ZNF34: variants seen among roughly 807,000 people sequenced by gnomAD.
The protein encoded by ZNF34 is zinc finger protein 34 (KOX 32).
Under a neutral mutation model 14.4 loss-of-function variants are expected in ZNF34, and 8 were observed. The ratio of observed to expected loss-of-function variants is 0.55; its 90% confidence interval spans 0.33 to 1.00. The LOEUF (loss-of-function observed/expected upper bound fraction) is 1.00, where lower values mean the gene tolerates loss of function less well. ZNF34 is among the 50% of genes least tolerant of loss of function. The pLI, the probability that ZNF34 is intolerant of heterozygous loss-of-function variation, is 0.03. For missense variants in ZNF34, 538 were observed against 674.2 expected (o/e 0.80, Z 2.24); for synonymous variants, 235 against 247.9 (o/e 0.95, Z 0.49).
chr8:144,777,339 C>A lies in ZNF34; in HGVS notation c.280+119G>T, dbSNP rs368184016. The A allele has an allele frequency of 8.5e-5, 117 of 1,381,290 alleles. No homozygotes were observed. The highest frequency in any genetic ancestry group is 4.1e-4 in the Admixed American group (17 of 41,514). The allele number at this position is 1,381,290 out of a possible 1,614,324, so 85.6% of individuals were successfully genotyped here. ...GCTTCAGCAAAGGCCACTGTCAGGC[C>A]TCCTGTGCTAGCCCCGATGAATCTG... On this transcript the variant is annotated intron_variant, in intron 5 of 5. Transcript: ENST00000429371. This position sits in a 1 kb window ranked among gnomAD's most constrained non-coding sequence, Gnocchi z 4.8.
In ZNF34 at chr8:144,777,412, A is replaced by C; in HGVS notation, c.280+46T>G. The stretch of plus-strand genomic sequence containing the variant: ...AATCAGACACCCTGGACCCCAATAA[A>C]GGCTCGTTCGGTGACTTGAGTTGGG... On this transcript the variant is annotated intron_variant, in intron 5 of 5. Coordinates refer to ENST00000429371, the MANE Select transcript of ZNF34 (RefSeq NM_001286769.2). The surrounding 1 kb of genome is among the most constrained non-coding windows in gnomAD (Gnocchi z 4.8). 6.5e-7 allele frequency: 1 copy of C among 1,544,894 alleles called. No homozygotes were observed. The highest frequency in any genetic ancestry group is 8.7e-7 in the Non-Finnish European group (1 of 1,142,992).
At chr8:144,783,790 A>G (rs971277495) in intron 1 of ZNF34, among the ~76,000 whole-genome samples, 26 of 152,260 alleles carry the variant, frequency 1.7e-4, no homozygotes, top group African/African-American at 6.3e-4. Flanking sequence ...TTGTGCAATT[A>G]TAATAAACAT....
intron 5 of ZNF34, 35 bp from the exon 6 acceptor site, chr8:144,774,640 G>A (rs765980618): frequency 3.2e-6 from 5 of 1,571,266 alleles, no homozygotes; most frequent in African/African-American, 2.7e-5. Flanking sequence ...AGGGTCACCT[G>A]CTCTGACTCT....
At chr8:144,775,117 C>T (rs1825424884) in intron 5 of ZNF34, among the ~76,000 whole-genome samples, 1 of 152,242 alleles carries the variant, frequency 6.6e-6, no homozygotes, top group Non-Finnish European at 1.5e-5. Flanking sequence ...CAGTGAGTTC[C>T]AGGTGCAAGC....
rs551737399 is a variant in ZNF34, at chr8:144,772,726, G to C, written c.*540C>G. On this transcript the variant is annotated 3_prime_UTR_variant, in exon 6 of 6. Transcript: ENST00000429371. ...GGCTAATTTTTGTATTTTTAGTAGAGACGGGGTTTCACCATGTTGGCCAGG... is the reference window on the plus strand; with the variant it reads ...GGCTAATTTTTGTATTTTTAGTAGACACGGGGTTTCACCATGTTGGCCAGG... Among the ~76,000 whole-genome samples the C allele has an allele frequency of 1.3e-5, 2 of 152,182 alleles. No homozygotes were observed. The highest frequency in any genetic ancestry group is 1.9e-4 in the East Asian group (1 of 5,178).
chr8:144,784,452 A>G (rs1464426863), intron 1 of ZNF34, among the ~76,000 whole-genome samples: 4 of 129,958 alleles, frequency 3.1e-5, no homozygotes, highest in Non-Finnish European at 6.4e-5. Flanking sequence ...TTGAAGACCT[A>G]AACATTAAAA....
rs1452372206 is a variant in ZNF34, at chr8:144,777,624, G to A, written c.161-47C>T. 1 of 1,542,304 alleles carries A rather than the reference G, an allele frequency of 6.5e-7. No individual in the cohort carries two copies. Among genetic ancestry groups the A allele is most frequent in the African/African-American group, 1.4e-5 (1 of 73,034 alleles). ...GGGTTGGTACCAAGGACACAGGGCA[G>A]CACCTAGTGCTGTCTCACCCTGGGG... On this transcript the variant is annotated intron_variant, in intron 4 of 5. Transcript: ENST00000429371. This position sits in a 1 kb window ranked among gnomAD's most constrained non-coding sequence, Gnocchi z 4.8.
chr8:144,780,555 A>G (rs1825800286), intron 1 of ZNF34, among the ~76,000 whole-genome samples: 1 of 152,216 alleles, frequency 6.6e-6, no homozygotes, highest in Non-Finnish European at 1.5e-5. Context: ...TGGGAGGCTG[A>G]GGCGGGTGGA....
chr8:144,783,806 C>G (rs114333397), intron 1 of ZNF34, among the ~76,000 whole-genome samples: 3,680 of 152,304 alleles, frequency 0.024, 141 homozygotes, highest in African/African-American at 0.085. Context: ...AACATTTCAA[C>G]AGGACATGAT....
chr8:144,774,369 G>A lies in ZNF34; in HGVS notation c.517C>T (p.Pro173Ser). 1 of 1,613,058 alleles carries A rather than the reference G, an allele frequency of 6.2e-7. No individual in the cohort carries two copies. The highest frequency in any genetic ancestry group is 8.5e-7 in the Non-Finnish European group (1 of 1,179,480). The change falls in exon 6 of 6, where the codon CCT becomes TCT. Residue 173 changes from proline to serine, a missense_variant. Physicochemically the swap from Pro to Ser is moderately conservative, Grantham distance 74. Coordinates refer to ENST00000429371, the MANE Select transcript of ZNF34 (RefSeq NM_001286769.2). ...LLSRPVPDQR[P>S]HKCDICEQSF... Reference sequence around the variant, plus strand: ...TGCTCACATATATCACATTTGTGAGGTCTCTGATCAGGAACAGGTCTTGAC... The same window carrying A: ...TGCTCACATATATCACATTTGTGAGATCTCTGATCAGGAACAGGTCTTGAC...
At position 144,773,264 on chromosome 8, in the gene ZNF34, T is replaced by A. The variant is rs528096516; in HGVS notation, c.*2A>T. ...ACTCTGCCCTCGGACACCGCGCCAC[T>A]GTTACATGGAGAAGTCCTCCCGGAG... is the stretch of plus-strand genomic sequence containing the variant. On this transcript the variant is annotated 3_prime_UTR_variant, in exon 6 of 6. Coordinates refer to ENST00000429371, the MANE Select transcript of ZNF34 (RefSeq NM_001286769.2). This position sits in a 1 kb window ranked among gnomAD's most constrained non-coding sequence, Gnocchi z 5.4. 1 of 1,599,434 alleles carries A rather than the reference T, an allele frequency of 6.3e-7. No individual in the cohort carries two copies. Among genetic ancestry groups the A allele is most frequent in the Non-Finnish European group, 8.5e-7 (1 of 1,169,884 alleles).
rs747928909 is a variant in ZNF34 at position 144,777,098 on chromosome 8, C to T, written c.280+360G>A. ...GAGGGGAATTAAATGATAGCTCCAT[C>T]ATTAGGCCCTCATTATCTGGCATCA... On this transcript the variant is annotated intron_variant, in intron 5 of 5. Coordinates refer to ENST00000429371, the MANE Select transcript of ZNF34 (RefSeq NM_001286769.2). The surrounding 1 kb of genome is among the most constrained non-coding windows in gnomAD (Gnocchi z 4.8). 2.0e-5 allele frequency among the ~76,000 whole-genome samples: 3 copies of T among 150,946 alleles called. No individual in the cohort carries two copies. The highest frequency in any genetic ancestry group is 4.4e-5 in the Non-Finnish European group (3 of 67,786).
rs1586725002 is a variant in ZNF34, at chr8:144,773,633, CT to C, written c.1252del (p.Arg418GlufsTer80). Reference sequence around the variant, plus strand: ...ATAGGGCTTCTCTCCAGTGTGGCTTCTCTGATGTTCCACGAGTTTGGTTTTT... The same window carrying C: ...ATAGGGCTTCTCTCCAGTGTGGCTTCCTGATGTTCCACGAGTTTGGTTTTT... ...IQKTKLVEHQ[R>X]SHTGEKPYEC... On this transcript the variant is annotated frameshift_variant, in exon 6 of 6. Transcript: ENST00000429371. LOFTEE classifies it low-confidence loss of function (END_TRUNC). This position sits in a 1 kb window ranked among gnomAD's most constrained non-coding sequence, Gnocchi z 5.4. 6.2e-7 allele frequency: 1 copy of C among 1,614,014 alleles called. No individual in the cohort carries two copies. Among genetic ancestry groups the C allele is most frequent in the African/African-American group, 1.3e-5 (1 of 74,904 alleles).
At chr8:144,783,214 T>C (rs766077784) in intron 1 of ZNF34, among the ~76,000 whole-genome samples, 42 of 152,066 alleles carry the variant, frequency 2.8e-4, no homozygotes, top group Non-Finnish European at 5.6e-4. Context: ...CTGGGAAGCA[T>C]AGCAGTAGTT....
intron 1 of ZNF34, among the ~76,000 whole-genome samples, chr8:144,782,305 A>G (rs1825936298): frequency 6.7e-6 from 1 of 149,626 alleles, no homozygotes; most frequent in South Asian, 2.1e-4. Flanking sequence ...CTGGCCACAG[A>G]GTGAGACTCC....
At position 144,777,981 on chromosome 8, in the gene ZNF34, G is replaced by A. The variant is rs1353547646; in HGVS notation, c.160+57C>T. ...GGGTGAGGCCCCTAGCCCAGCCTCT[G>A]CTGAGCCCTTAGCCCCCAGGGCTGT... is the stretch of plus-strand genomic sequence containing the variant. On this transcript the variant is annotated intron_variant, in intron 4 of 5. Transcript: ENST00000429371. This position sits in a 1 kb window ranked among gnomAD's most constrained non-coding sequence, Gnocchi z 4.8. 2 of 1,602,358 alleles carry A rather than the reference G, an allele frequency of 1.2e-6. No individual in the cohort carries two copies. The highest frequency in any genetic ancestry group is 3.5e-5 in the Admixed American group (2 of 57,366).
chr8:144,780,412 A>G (rs957108362), intron 1 of ZNF34, 132 bp from the exon 2 acceptor site: 9 of 690,870 alleles, frequency 1.3e-5, no homozygotes, highest in Non-Finnish European at 2.1e-5. Context: ...TTTTTATCAT[A>G]AAAGTTGACA....
intron 1 of ZNF34, among the ~76,000 whole-genome samples, chr8:144,784,391 A>G (rs1028540186): frequency 6.6e-6 from 1 of 151,964 alleles, no homozygotes; most frequent in African/African-American, 2.4e-5. Context: ...TCCATTGGAA[A>G]ATAAAATTAG....
intron 1 of ZNF34, among the ~76,000 whole-genome samples, chr8:144,783,318 C>T (rs528685567): frequency 6.6e-6 from 1 of 152,152 alleles, no homozygotes; most frequent in Non-Finnish European, 1.5e-5. Flanking sequence ...GTAGTAGATT[C>T]AGTGACAAGA....
Sources: gnomAD v4.1 joint callset for allele counts (sites outside exome capture counted in the v4.1 genomes callset) on GRCh38, gnomAD v4.1.1 for gene constraint, Gnocchi (gnomAD v3.1) non-coding constraint, MANE v1.5 for transcripts, NCBI Gene and HGNC (gene_info 2026-07-23, HGNC 2026-07-21) for gene names.